Variants in SHROOM2 observed in about 807,000 individuals in gnomAD.
SHROOM2 encodes protein Shroom2.
SHROOM2 carries 33 observed loss-of-function variants against 75.9 expected under a neutral mutation model. That is an observed-to-expected ratio of 0.43 (90% CI 0.33 to 0.58). SHROOM2 has a LOEUF of 0.58. Among genes scored for constraint, SHROOM2 ranks in the 20% least tolerant of loss-of-function variants. The pLI is 0.04. For missense variants in SHROOM2, 1,434 were observed against 1,461.2 expected, an observed-to-expected ratio of 0.98 and a Z score of 0.30; for synonymous variants, 655 against 663.6, an observed-to-expected ratio of 0.99 and a Z score of 0.20.
At chrX:9,886,374 C>T (rs766314565) in intron 2 of SHROOM2, among the ~76,000 whole-genome samples, 6 of 112,567 alleles carry the variant, frequency 5.3e-5, no homozygotes, top group South Asian at 3.7e-4. Flanking sequence ...TTGTCCCCGC[C>T]GATGGACACA....
intron 1 of SHROOM2, among the ~76,000 whole-genome samples, chrX:9,846,497 G>A (rs1353075700): frequency 1.8e-5 from 2 of 111,182 alleles, no homozygotes; most frequent in East Asian, 2.8e-4. Flanking sequence ...GCGTTTCACC[G>A]TGTTAGCCAG....
At chrX:9,870,934 AC>A (rs2084167779) in intron 1 of SHROOM2, among the ~76,000 whole-genome samples, 1 of 112,254 alleles carries the variant, frequency 8.9e-6, no homozygotes, top group Non-Finnish European at 1.9e-5. Flanking sequence ...GGAAAAAGAG[AC>A]CAGAAGTCTT....
chrX:9,802,135 G>T, intron 1 of SHROOM2, among the ~76,000 whole-genome samples: 1 of 105,554 alleles, frequency 9.5e-6, no homozygotes, highest in Non-Finnish European at 1.9e-5. Flanking sequence ...CTTAAGCTAT[G>T]TTGCCCAGGC....
chrX:9,905,457 G>A (rs748738188), intron 5 of SHROOM2, among the ~76,000 whole-genome samples: 1 of 113,164 alleles, frequency 8.8e-6, no homozygotes, highest in Admixed American at 9.3e-5. Context: ...CACCGGGCCA[G>A]CTGAGCAACC....
intron 6 of SHROOM2, among the ~76,000 whole-genome samples, chrX:9,936,610 G>C (rs1384244352): frequency 9.0e-6 from 1 of 111,210 alleles, no homozygotes; most frequent in East Asian, 2.8e-4. Flanking sequence ...CCCAAGTGGG[G>C]TGGTGGGGGG....
intron 8 of SHROOM2, among the ~76,000 whole-genome samples, chrX:9,940,866 A>T (rs773488788): frequency 9.0e-6 from 1 of 111,408 alleles, no homozygotes; most frequent in Admixed American, 9.6e-5. Flanking sequence ...CAGTCACAGC[A>T]TTGCTAGGTG....
At chrX:9,913,243 C>G (rs1024211018) in intron 5 of SHROOM2, 2 of 112,459 alleles carry the variant, frequency 1.8e-5, no homozygotes, top group African/African-American at 6.5e-5. Context: ...TCAGCTACAT[C>G]CTCAAGAAAA....
At chrX:9,807,365 G>A (rs1009350614) in intron 1 of SHROOM2, among the ~76,000 whole-genome samples, 2 of 112,225 alleles carry the variant, frequency 1.8e-5, no homozygotes, top group African/African-American at 6.5e-5. Flanking sequence ...AAATGTCAGA[G>A]TGTCCCCAGG....
chrX:9,906,485 CT>C (rs1179392429), intron 5 of SHROOM2, among the ~76,000 whole-genome samples: 1 of 112,994 alleles, frequency 8.9e-6, no homozygotes, highest in Non-Finnish European at 1.9e-5. Flanking sequence ...CATAAGAAAA[CT>C]TTTTTTAATT....
Position 9,892,423 on chromosome X carries a change from A to G in SHROOM2, c.449+1315A>G, listed in dbSNP as rs1337634722. ...ATTTTTTGGGGAAAAAAAAAACACA[A>G]AAAAACAAAAAGCCACAGATTCTCA... On this transcript the variant is annotated intron_variant, in intron 3 of 9. Transcript: ENST00000380913. 4.2e-4 allele frequency among the ~76,000 whole-genome samples: 47 copies of G among 111,099 alleles called. No homozygotes were observed. In the Admixed American group the frequency reaches 4.5e-3, roughly 11 times the overall value.
At chrX:9,905,469 G>A (rs1339477494) in intron 5 of SHROOM2, among the ~76,000 whole-genome samples, 2 of 113,083 alleles carry the variant, frequency 1.8e-5, no homozygotes, top group Non-Finnish European at 3.7e-5. Flanking sequence ...TGAGCAACCC[G>A]CTTCAGGCCC....
intron 5 of SHROOM2, among the ~76,000 whole-genome samples, chrX:9,905,512 C>T (rs1203925161): frequency 8.8e-6 from 1 of 113,081 alleles, no homozygotes; most frequent in African/African-American, 3.2e-5. Context: ...CCGCCTCCAA[C>T]GCCAGGAGAG....
chrX:9,939,219 G>A lies in SHROOM2; in HGVS notation c.4164G>A (p.Ala1388=), dbSNP rs1313441588. 2.5e-6 allele frequency: 3 copies of A among 1,208,140 alleles called. No homozygotes were observed. Among genetic ancestry groups the A allele is most frequent in the Non-Finnish European group, 2.2e-6 (2 of 893,774 alleles). ...GGAAAGAGGAGCCCAGCGTGCCTGC[G>A]GCCGTGTCCCTGGCCACCAATTCTA... ...EERKEEPSVP[A]AVSLATNSTY... is the part of the protein sequence containing the mutation. Residue 1388 remains alanine, a synonymous_variant, in exon 8 of 10, where the codon GCG becomes GCA. Transcript: ENST00000380913.
intron 8 of SHROOM2, among the ~76,000 whole-genome samples, chrX:9,940,992 A>G (rs2084763794): frequency 1.8e-5 from 2 of 111,997 alleles, no homozygotes; most frequent in South Asian, 7.3e-4. Context: ...GGTGGCTGGT[A>G]GAGAAGCATC....
At position 9,891,264 on chromosome X, in the gene SHROOM2, G is replaced by A. The variant is rs1301179411; in HGVS notation, c.449+156G>A. 2.7e-5 allele frequency among the ~76,000 whole-genome samples: 3 copies of A among 112,132 alleles called. No homozygotes were observed. In the Admixed American group the frequency reaches 2.8e-4, roughly 11 times the overall value. The stretch of plus-strand genomic sequence containing the variant: ...TCTGAATTTTTGACTGAACCGGCAA[G>A]CGTGTGACACAAAATGAAATGGCAA... On this transcript the variant is annotated intron_variant, in intron 3 of 9. Coordinates refer to ENST00000380913, the MANE Select transcript of SHROOM2 (RefSeq NM_001649.4).
At chrX:9,864,540 C>T (rs1291017016) in intron 1 of SHROOM2, among the ~76,000 whole-genome samples, 4 of 110,979 alleles carry the variant, frequency 3.6e-5, no homozygotes, top group African/African-American at 1.3e-4. Context: ...ATAAATAGGC[C>T]GGGCGCGGTG....
At chrX:9,904,396 C>T (rs886373869) in intron 5 of SHROOM2, among the ~76,000 whole-genome samples, 6 of 111,962 alleles carry the variant, frequency 5.4e-5, no homozygotes, top group Admixed American at 2.8e-4. Flanking sequence ...TGGGTGCCAA[C>T]ATACGTAGCT....
intron 5 of SHROOM2, among the ~76,000 whole-genome samples, chrX:9,926,749 T>A (rs1325691068): frequency 9.0e-6 from 1 of 111,369 alleles, no homozygotes; most frequent in Non-Finnish European, 1.9e-5. Flanking sequence ...CACAAAATTA[T>A]TAAGCATATT....
Position 9,939,373 on chromosome X carries a change from G to C in SHROOM2, c.4311+7G>C. The C allele has an allele frequency of 8.4e-7, 1 of 1,195,851 alleles. No homozygotes were observed. The highest frequency in any genetic ancestry group is 1.1e-6 in the Non-Finnish European group (1 of 886,377). ...CGACCTGTCGGTGAAGAAGGTAGGA[G>C]AGTCCATTCCAAATGACAGCGTGTG... On this transcript the variant is annotated splice_region_variant and intron_variant, in intron 8 of 9. Coordinates refer to ENST00000380913, the MANE Select transcript of SHROOM2 (RefSeq NM_001649.4).
Sources: gnomAD v4.1 joint callset for allele counts (sites outside exome capture counted in the v4.1 genomes callset) on GRCh38, gnomAD v4.1.1 for gene constraint, MANE v1.5 for transcripts, NCBI Gene and HGNC (gene_info 2026-07-23, HGNC 2026-07-21) for gene names.